The following PDE4D variants were observed in gnomAD, a reference collection of about 807,000 sequenced individuals.
The protein encoded by PDE4D is 3',5'-cyclic-AMP phosphodiesterase 4D.
Under a neutral mutation model 87.4 loss-of-function variants are expected in PDE4D, and 24 were observed. The observed-to-expected ratio is 0.27, with a 90% CI of 0.20 to 0.39. PDE4D has a LOEUF of 0.39. Among genes scored for constraint, PDE4D ranks in the 10% least tolerant of loss-of-function variants. The pLI is 1.00. For missense variants in PDE4D, 714 were observed against 1,041.0 expected (o/e 0.69, Z 4.32); for synonymous variants, 384 against 383.2 (o/e 1.00, Z -0.02).
At chr5:59,521,382 C>T (rs1019874448) in intron 1 of PDE4D, among the ~76,000 whole-genome samples, 3 of 152,154 alleles carry the variant, frequency 2.0e-5, no homozygotes, top group Non-Finnish European at 2.9e-5. Flanking sequence ...TTGCTGGAAA[C>T]GTGGAGACCC....
intron 5 of PDE4D, among the ~76,000 whole-genome samples, chr5:59,073,760 A>G (rs1236781583): frequency 6.6e-6 from 1 of 152,188 alleles, no homozygotes; most frequent in Non-Finnish European, 1.5e-5. Flanking sequence ...ATATAAGCAT[A>G]TGATGAATTT....
At chr5:59,281,686 ACAAC>A (rs1378019453) in intron 1 of PDE4D, among the ~76,000 whole-genome samples, 3 of 152,102 alleles carry the variant, frequency 2.0e-5, no homozygotes, top group African/African-American at 7.2e-5. Context: ...TTCCAAATCG[ACAAC>A]CCTGTACTCA....
intron 5 of PDE4D, among the ~76,000 whole-genome samples, chr5:59,156,320 A>AAAATATAT (rs548335725): frequency 5.9e-4 from 48 of 81,754 alleles, no homozygotes; most frequent in Admixed American, 1.4e-3. Flanking sequence ...AAAAAAAAAA[A>AAAATATAT]ATATATATAT....
At chr5:59,755,700 C>T (rs372170550) in intron 1 of PDE4D, among the ~76,000 whole-genome samples, 5 of 151,904 alleles carry the variant, frequency 3.3e-5, no homozygotes, top group African/African-American at 7.3e-5. Flanking sequence ...AATCACACTG[C>T]ACAAAATAAA....
intron 1 of PDE4D, among the ~76,000 whole-genome samples, chr5:59,689,090 C>T (rs1194023882): frequency 6.6e-6 from 1 of 151,974 alleles, no homozygotes; most frequent in Non-Finnish European, 1.5e-5. Flanking sequence ...AGCCTACCAA[C>T]CAAAAAAAGT....
chr5:59,104,023 A>G (rs555469838), intron 5 of PDE4D, among the ~76,000 whole-genome samples: 23 of 150,452 alleles, frequency 1.5e-4, no homozygotes, highest in African/African-American at 5.3e-4. Flanking sequence ...ATCGAATTAG[A>G]TAATATATGT....
At chr5:59,081,802 G>A (rs760235706) in intron 5 of PDE4D, among the ~76,000 whole-genome samples, 1 of 152,090 alleles carries the variant, frequency 6.6e-6, no homozygotes, top group Non-Finnish European at 1.5e-5. Flanking sequence ...CCTTAATGTA[G>A]ATTATATGGT....
At chr5:59,002,761 C>G (rs1382263839) in intron 6 of PDE4D, among the ~76,000 whole-genome samples, 5 of 152,154 alleles carry the variant, frequency 3.3e-5, no homozygotes, top group African/African-American at 1.2e-4. Context: ...TAGCCAAGAC[C>G]AGTTAACCCA....
intron 2 of PDE4D, among the ~76,000 whole-genome samples, chr5:60,057,979 T>A (rs1770963786): frequency 2.0e-5 from 3 of 152,028 alleles, no homozygotes; most frequent in Admixed American, 6.6e-5. Flanking sequence ...GAAAGATAGA[T>A]TCTCTAAATC....
At chr5:59,314,930 G>C (rs185947928) in intron 1 of PDE4D, 1 of 152,224 alleles carries the variant, frequency 6.6e-6, no homozygotes, top group Non-Finnish European at 1.5e-5. Context: ...AGGATCCCTG[G>C]AGAATCTCCC....
intron 1 of PDE4D, among the ~76,000 whole-genome samples, chr5:59,556,554 GA>G (rs1385494881): frequency 1.3e-5 from 2 of 152,160 alleles, no homozygotes; most frequent in African/African-American, 2.4e-5. Flanking sequence ...TCCCAGGGGA[GA>G]ATACATTTCA....
intron 1 of PDE4D, among the ~76,000 whole-genome samples, chr5:59,477,362 A>T (rs1355528540): frequency 7.3e-6 from 1 of 136,746 alleles, no homozygotes; most frequent in Non-Finnish European, 1.6e-5. Flanking sequence ...ATAAAAAAAA[A>T]AAAAAAAAAA....
intron 1 of PDE4D, among the ~76,000 whole-genome samples, chr5:59,414,920 T>C (rs774994737): frequency 2.6e-5 from 4 of 152,176 alleles, no homozygotes; most frequent in Non-Finnish European, 4.4e-5. Flanking sequence ...CATGGATTTA[T>C]GCTGGAAGTG....
intron 1 of PDE4D, among the ~76,000 whole-genome samples, chr5:59,337,108 A>C (rs560390055): frequency 6.6e-6 from 1 of 152,262 alleles, no homozygotes; most frequent in Admixed American, 6.5e-5. Context: ...GAGAGAACAC[A>C]AAAAGAGGAG....
intron 1 of PDE4D, among the ~76,000 whole-genome samples, chr5:59,369,019 C>T (rs1179750894): frequency 4.6e-5 from 7 of 152,222 alleles, no homozygotes; most frequent in African/African-American, 1.7e-4. Flanking sequence ...ATGTGTCAAA[C>T]ATAAAAACGA....
chr5:59,242,415 T>C (rs1303540323), intron 1 of PDE4D, among the ~76,000 whole-genome samples: 1 of 152,174 alleles, frequency 6.6e-6, no homozygotes, highest in Admixed American at 6.6e-5. Flanking sequence ...CCAAATTCTC[T>C]GAGCAACACC....
At chr5:59,744,172 T>G (rs914994558) in intron 1 of PDE4D, among the ~76,000 whole-genome samples, 4 of 152,130 alleles carry the variant, frequency 2.6e-5, no homozygotes, top group East Asian at 1.9e-4. Context: ...TTTAAAACAT[T>G]GCATCTTAGT....
chr5:59,348,254 C>T (rs558424411), intron 1 of PDE4D, among the ~76,000 whole-genome samples: 3 of 152,234 alleles, frequency 2.0e-5, no homozygotes, highest in African/African-American at 4.8e-5. Flanking sequence ...GATTTGGCTA[C>T]ATTTTGTATT....
intron 1 of PDE4D, among the ~76,000 whole-genome samples, chr5:60,479,369 C>T (rs1381615443): frequency 2.6e-5 from 4 of 152,162 alleles, no homozygotes; most frequent in Non-Finnish European, 5.9e-5. Context: ...CTTGGCTTGA[C>T]AATCACAGCT....
Sources: allele counts gnomAD v4.1 joint callset (sites outside exome capture counted in the v4.1 genomes callset), GRCh38; gene constraint gnomAD v4.1.1; transcripts MANE v1.5; gene names NCBI Gene and HGNC (gene_info 2026-07-23, HGNC 2026-07-21).